TRHDE: variants seen among roughly 807,000 people sequenced by gnomAD.
TRHDE encodes thyrotropin-releasing hormone-degrading ectoenzyme.
Under a neutral mutation model 125.7 loss-of-function variants are expected in TRHDE, and 72 were observed. The ratio of observed to expected loss-of-function variants is 0.57; its 90% CI spans 0.47 to 0.70. The LOEUF (loss-of-function observed/expected upper bound fraction) is 0.70. Among genes scored for constraint, TRHDE ranks in the 30% least tolerant of loss-of-function variants. The pLI is 0.00. For missense variants in TRHDE, 1,110 were observed against 1,327.1 expected (o/e 0.84, Z 2.54); for synonymous variants, 509 against 509.1 (o/e 1.00, Z 0.00).
intron 13 of TRHDE, 120 bp downstream of exon 13, chr12:72,619,158 C>A (rs558007139): frequency 1.3e-6 from 1 of 765,396 alleles, no homozygotes; most frequent in Non-Finnish European, 1.9e-6. Flanking sequence ...TTTGTGTTAT[C>A]CCGATTTTTG....
At chr12:72,589,155 G>GTGAC (rs1871566024) in intron 12 of TRHDE, among the ~76,000 whole-genome samples, 3 of 152,172 alleles carry the variant, frequency 2.0e-5, no homozygotes, top group Admixed American at 2.0e-4. Flanking sequence ...AGCCTCTGGA[G>GTGAC]TGACAGAGGT....
At chr12:72,158,962 C>T (rs1159422844) in intron 2 of TRHDE, among the ~76,000 whole-genome samples, 2 of 152,154 alleles carry the variant, frequency 1.3e-5, no homozygotes, top group African/African-American at 4.8e-5. Context: ...GCTGAATACC[C>T]CTCTTCTGCC....
chr12:72,405,725 A>C (rs187616690), intron 3 of TRHDE, among the ~76,000 whole-genome samples: 145 of 152,354 alleles, frequency 9.5e-4, no homozygotes, highest in African/African-American at 3.1e-3. Flanking sequence ...TCCGAAAGGG[A>C]AAATGCTTGT....
chr12:72,502,799 T>C (rs916220669), intron 6 of TRHDE, among the ~76,000 whole-genome samples: 2 of 152,144 alleles, frequency 1.3e-5, no homozygotes, highest in Non-Finnish European at 2.9e-5. Context: ...CATCTAAAAC[T>C]GTGGAGAAAA....
At chr12:72,373,136 T>G (rs1871692231) in intron 2 of TRHDE, among the ~76,000 whole-genome samples, 2 of 152,206 alleles carry the variant, frequency 1.3e-5, no homozygotes, top group African/African-American at 4.8e-5. Flanking sequence ...CTAGGTATTT[T>G]ATTCTGTTTG....
intron 2 of TRHDE, among the ~76,000 whole-genome samples, chr12:72,343,542 A>G (rs1329443071): frequency 6.6e-6 from 1 of 152,064 alleles, no homozygotes; most frequent in Non-Finnish European, 1.5e-5. Flanking sequence ...TTCTTGTCCT[A>G]AGCCAGGTGT....
intron 3 of TRHDE, among the ~76,000 whole-genome samples, chr12:72,415,054 A>G (rs183433344): frequency 6.6e-6 from 1 of 152,226 alleles, no homozygotes; most frequent in Admixed American, 6.5e-5. Context: ...TCGTTGGTTC[A>G]TGAATCCGTA....
intron 2 of TRHDE, among the ~76,000 whole-genome samples, chr12:72,166,077 T>C (rs568098668): frequency 6.6e-6 from 1 of 152,296 alleles, no homozygotes; most frequent in African/African-American, 2.4e-5. Context: ...ACCTAGGCTG[T>C]ATGCCATAGC....
chr12:72,131,412 T>A lies in TRHDE; in HGVS notation n.279+25660T>A, dbSNP rs1592452424. On this transcript the variant is annotated intron_variant and non_coding_transcript_variant, in intron 2 of 4. Coordinates refer to the TRHDE transcript ENST00000548156. ...TTAAGTTTACCAAAAATTATATTGT[T>A]ATTTTCATTTAATTTTTAAATTTAT... is the stretch of plus-strand genomic sequence containing the variant. 2.6e-5 allele frequency among the ~76,000 whole-genome samples: 4 copies of A among 152,322 alleles called. No homozygotes were observed. The South Asian group carries it at 8.3e-4, about 32-fold the overall frequency.
At chr12:72,600,808 A>G (rs941032302) in intron 12 of TRHDE, among the ~76,000 whole-genome samples, 6 of 152,044 alleles carry the variant, frequency 3.9e-5, no homozygotes, top group Non-Finnish European at 5.9e-5. Context: ...TTTTAAGCCT[A>G]CTGTTGAGAC....
intron 7 of TRHDE, among the ~76,000 whole-genome samples, chr12:72,542,802 T>C (rs1453413565): frequency 2.0e-5 from 3 of 151,282 alleles, no homozygotes; most frequent in African/African-American, 4.8e-5. Flanking sequence ...ATAGATTATT[T>C]GTTCCAAAGG....
At chr12:72,367,628 A>G (rs751986238) in intron 2 of TRHDE, among the ~76,000 whole-genome samples, 15 of 152,068 alleles carry the variant, frequency 9.9e-5, no homozygotes, top group Non-Finnish European at 1.9e-4. Context: ...TCCTCTTTGT[A>G]TCACCCTGCT....
intron 5 of TRHDE, among the ~76,000 whole-genome samples, chr12:72,480,069 A>T (rs539512041): frequency 5.5e-4 from 83 of 150,660 alleles, no homozygotes; most frequent in East Asian, 2.7e-3. Flanking sequence ...TCATTGTTGG[A>T]CATTTGGGTT....
chr12:72,430,442 CACGT>C (rs1027357679), intron 3 of TRHDE, among the ~76,000 whole-genome samples: 2 of 147,492 alleles, frequency 1.4e-5, no homozygotes, highest in African/African-American at 5.0e-5. Context: ...TATATACACA[CACGT>C]ATATATATGT....
At chr12:72,607,197 C>A (rs1428103201) in intron 12 of TRHDE, among the ~76,000 whole-genome samples, 1 of 152,152 alleles carries the variant, frequency 6.6e-6, no homozygotes, top group African/African-American at 2.4e-5. Context: ...CTAATTGCAT[C>A]CGCACTGTGC....
At chr12:72,098,867 A>C (rs1387465639) in intron 1 of TRHDE, among the ~76,000 whole-genome samples, 1 of 152,206 alleles carries the variant, frequency 6.6e-6, no homozygotes, top group Non-Finnish European at 1.5e-5. Context: ...CAGAATTGTA[A>C]GAAAGAATAA....
intron 4 of TRHDE, among the ~76,000 whole-genome samples, chr12:72,472,182 C>A (rs967829825): frequency 6.6e-6 from 1 of 152,010 alleles, no homozygotes; most frequent in Admixed American, 6.6e-5. Context: ...ATTTTTTTAT[C>A]GTCTACCTCC....
At chr12:72,223,548 A>G (rs1439846291) in intron 2 of TRHDE, among the ~76,000 whole-genome samples, 5 of 152,046 alleles carry the variant, frequency 3.3e-5, no homozygotes, top group Admixed American at 2.6e-4. Flanking sequence ...TACACATAGA[A>G]TCTCCCTTGT....
intron 2 of TRHDE, among the ~76,000 whole-genome samples, chr12:72,227,290 G>T (rs929443374): frequency 6.6e-6 from 1 of 152,188 alleles, no homozygotes; most frequent in Non-Finnish European, 1.5e-5. Context: ...GGCTGGGAAG[G>T]CATCACAGTC....
Sources: allele counts gnomAD v4.1 joint callset (sites outside exome capture counted in the v4.1 genomes callset), GRCh38; gene constraint gnomAD v4.1.1; transcripts MANE v1.5; gene names NCBI Gene and HGNC (gene_info 2026-07-23, HGNC 2026-07-21).